Variants in ATXN1 observed in about 807,000 individuals in gnomAD.
ATXN1 encodes the protein ataxin-1.
Under a neutral mutation model 56.4 loss-of-function variants are expected in ATXN1, and 8 were observed. That is an observed-to-expected ratio of 0.14 (90% CI 0.08 to 0.26). ATXN1 has a LOEUF of 0.26. Among genes scored for constraint, ATXN1 ranks in the 10% least tolerant of loss-of-function variants. The pLI, the probability that ATXN1 is intolerant of heterozygous loss-of-function variation, is 1.00. For missense variants in ATXN1, 987 were observed against 1,106.5 expected (o/e 0.89, Z 1.53); for synonymous variants, 514 against 494.6 (o/e 1.04, Z -0.52).
At chr6:16,748,365 C>T (rs1760602048) in intron 2 of ATXN1, among the ~76,000 whole-genome samples, 2 of 152,152 alleles carry the variant, frequency 1.3e-5, no homozygotes, top group Admixed American at 6.5e-5. Context: ...TTAAATATTA[C>T]TCCAAGCCAT....
intron 3 of ATXN1, among the ~76,000 whole-genome samples, chr6:16,599,237 A>ATGCCTT (rs1762870513): frequency 6.6e-6 from 1 of 152,204 alleles, no homozygotes; most frequent in African/African-American, 2.4e-5. Context: ...CAAGGTATGA[A>ATGCCTT]CCAAGAAATG....
At chr6:16,471,878 C>G (rs1760226840) in intron 6 of ATXN1, among the ~76,000 whole-genome samples, 1 of 152,158 alleles carries the variant, frequency 6.6e-6, no homozygotes, top group African/African-American at 2.4e-5. Context: ...TCTGTCAGAC[C>G]TTAGGTTACA....
At chr6:16,712,318 G>C (rs1175415468) in intron 2 of ATXN1, among the ~76,000 whole-genome samples, 1 of 152,118 alleles carries the variant, frequency 6.6e-6, no homozygotes, top group Non-Finnish European at 1.5e-5. Flanking sequence ...TACCTGGAGG[G>C]TCTGTGGGGA....
At chr6:16,627,024 C>A (rs2299070) in intron 3 of ATXN1, among the ~76,000 whole-genome samples, 35,622 of 152,068 alleles carry the variant, frequency 0.23, 4,490 homozygotes, top group East Asian at 0.36. Flanking sequence ...TGGTAGACCT[C>A]GCAAACTGAC....
chr6:16,676,339 C>G (rs1758660048), intron 2 of ATXN1, among the ~76,000 whole-genome samples: 1 of 152,142 alleles, frequency 6.6e-6, no homozygotes, highest in African/African-American at 2.4e-5. Context: ...TTGAAAGTTA[C>G]TGAAGTATAT....
intron 3 of ATXN1, among the ~76,000 whole-genome samples, chr6:16,597,629 G>A (rs899056683): frequency 1.3e-5 from 2 of 151,992 alleles, no homozygotes. Flanking sequence ...CAGTCGAGAC[G>A]GGGTTTCACC....
At chr6:16,329,701 G>A (rs905484086) in intron 6 of ATXN1, among the ~76,000 whole-genome samples, 13 of 152,062 alleles carry the variant, frequency 8.5e-5, no homozygotes, top group African/African-American at 3.1e-4. Context: ...GTAACAACTC[G>A]CCATTAACAC....
At chr6:16,315,780 A>C (rs1760494383) in intron 7 of ATXN1, among the ~76,000 whole-genome samples, 1 of 152,134 alleles carries the variant, frequency 6.6e-6, no homozygotes, top group Non-Finnish European at 1.5e-5. Flanking sequence ...TTCCTGCCTC[A>C]GCCGCCTGAG....
chr6:16,331,572 A>C (rs1760994635), intron 6 of ATXN1, among the ~76,000 whole-genome samples: 1 of 152,200 alleles, frequency 6.6e-6, no homozygotes, highest in South Asian at 2.1e-4. Flanking sequence ...TATTTATGCA[A>C]GAGTGATGTG....
chr6:16,663,133 T>C (rs901963751), intron 2 of ATXN1, among the ~76,000 whole-genome samples: 1 of 151,956 alleles, frequency 6.6e-6, no homozygotes, highest in Non-Finnish European at 1.5e-5. Flanking sequence ...CCACCATGCC[T>C]GGCTAATTAA....
intron 6 of ATXN1, among the ~76,000 whole-genome samples, chr6:16,329,630 C>G (rs2113417934): frequency 6.6e-6 from 1 of 152,304 alleles, no homozygotes; most frequent in Non-Finnish European, 1.5e-5. Context: ...GTCCATCTCT[C>G]TCTTCCTTTT....
At chr6:16,701,321 C>A (rs1020802909) in intron 2 of ATXN1, among the ~76,000 whole-genome samples, 6 of 152,332 alleles carry the variant, frequency 3.9e-5, no homozygotes, top group Middle Eastern at 6.8e-3. Flanking sequence ...TGGCCACTGT[C>A]CAGCTAAGCA....
At chr6:16,541,037 T>TA (rs896377748) in intron 4 of ATXN1, among the ~76,000 whole-genome samples, 1 of 152,188 alleles carries the variant, frequency 6.6e-6, no homozygotes, top group Non-Finnish European at 1.5e-5. Flanking sequence ...ACCAGTGGTT[T>TA]AAAAAAAATT....
chr6:16,315,366 G>A (rs2113387706), intron 7 of ATXN1, among the ~76,000 whole-genome samples: 1 of 152,208 alleles, frequency 6.6e-6, no homozygotes, highest in East Asian at 1.9e-4. Flanking sequence ...CACCTAGAAT[G>A]ATACTATTTT....
intron 4 of ATXN1, among the ~76,000 whole-genome samples, chr6:16,537,041 C>CTTTTTT (rs368470065): frequency 7.0e-6 from 1 of 143,026 alleles, no homozygotes. Context: ...AATGTAAAAT[C>CTTTTTT]TTTTTTTTTT....
intron 6 of ATXN1, among the ~76,000 whole-genome samples, chr6:16,399,988 C>A (rs1025673951): frequency 3.3e-5 from 5 of 152,200 alleles, no homozygotes; most frequent in African/African-American, 1.2e-4. Context: ...CCATGGCCCA[C>A]AGCCCAGCAG....
At chr6:16,347,099 C>A (rs1325744524) in intron 6 of ATXN1, among the ~76,000 whole-genome samples, 1 of 152,258 alleles carries the variant, frequency 6.6e-6, no homozygotes, top group Non-Finnish European at 1.5e-5. Context: ...GGACCTGCAG[C>A]CCGCCATGCC....
chr6:16,309,958 C>T (rs200109516), intron 7 of ATXN1, among the ~76,000 whole-genome samples: 1 of 151,682 alleles, frequency 6.6e-6, no homozygotes, highest in Non-Finnish European at 1.5e-5. Flanking sequence ...CACTTGAACC[C>T]GGGAGGCGGA....
intron 6 of ATXN1, among the ~76,000 whole-genome samples, chr6:16,469,169 C>T (rs1205618897): frequency 6.6e-6 from 1 of 152,164 alleles, no homozygotes; most frequent in African/African-American, 2.4e-5. Flanking sequence ...GAGTGAGTAG[C>T]TTATTGAAAG....
Sources: gnomAD v4.1 joint callset for allele counts (sites outside exome capture counted in the v4.1 genomes callset) on GRCh38, gnomAD v4.1.1 for gene constraint, MANE v1.5 for transcripts, NCBI Gene and HGNC (gene_info 2026-07-23, HGNC 2026-07-21) for gene names.